The following ACSM4 variants were observed in gnomAD, a reference collection of about 807,000 sequenced individuals.
ACSM4 encodes the protein acyl-coenzyme A synthetase ACSM4, mitochondrial.
A neutral mutation model predicts 73.0 loss-of-function variants in ACSM4; 66 were observed. That is an observed-to-expected ratio of 0.90 (90% CI 0.74 to 1.11). The LOEUF (loss-of-function observed/expected upper bound fraction) is 1.11. Ranked by LOEUF, ACSM4 falls within the 50% of genes least tolerant of loss-of-function variation. ACSM4 has a pLI of 0.00. For missense variants in ACSM4, 645 were observed against 714.4 expected (o/e 0.90, Z 1.11); for synonymous variants, 222 against 254.0 (o/e 0.87, Z 1.20).
At chr12:7,309,058 A>G (rs1946375962) in intron 2 of ACSM4, among the ~76,000 whole-genome samples, 1 of 152,242 alleles carries the variant, frequency 6.6e-6, no homozygotes, top group Non-Finnish European at 1.5e-5. Context: ...CTTTATATAC[A>G]CTTCACTTCT....
chr12:7,320,414 T>G (rs990758300), intron 5 of ACSM4, among the ~76,000 whole-genome samples: 1 of 152,206 alleles, frequency 6.6e-6, no homozygotes, highest in Non-Finnish European at 1.5e-5. Flanking sequence ...AAGAGGTAAG[T>G]TGTAGCCCTG....
chr12:7,312,528 G>A (rs765181856), intron 3 of ACSM4, among the ~76,000 whole-genome samples: 3 of 152,300 alleles, frequency 2.0e-5, no homozygotes, highest in African/African-American at 7.2e-5. Flanking sequence ...TTTTACTTGT[G>A]AGAATGAAAT....
Position 7,304,237 on chromosome 12 carries a change from A to G in ACSM4, c.-95A>G. On this transcript the variant is annotated 5_prime_UTR_variant, in exon 1 of 13. Transcript: ENST00000399422. Reference sequence around the variant, plus strand: ...CACAAATCCACCTCCCAGTCTCACCACAGAGCATCAAGAAACTGATACTCT... The same window carrying G: ...CACAAATCCACCTCCCAGTCTCACCGCAGAGCATCAAGAAACTGATACTCT... The G allele has an allele frequency of 1.5e-6, 2 of 1,333,714 alleles. No individual in the cohort carries two copies. Among genetic ancestry groups the G allele is most frequent in the Non-Finnish European group, 2.1e-6 (2 of 946,878 alleles). 82.6% of individuals were successfully genotyped at this position (1,333,714 alleles called of 1,614,324 possible).
intron 7 of ACSM4, 48 bp from the exon 8 acceptor site, chr12:7,323,186 C>G (rs1946477402): frequency 6.7e-7 from 1 of 1,500,640 alleles, no homozygotes; most frequent in South Asian, 1.2e-5. Context: ...GATATAGTTT[C>G]AGAATATAAA....
intron 2 of ACSM4, among the ~76,000 whole-genome samples, chr12:7,308,305 T>C (rs1180107438): frequency 6.6e-6 from 1 of 152,196 alleles, no homozygotes; most frequent in Non-Finnish European, 1.5e-5. Flanking sequence ...TTGCTTAACA[T>C]GTTATGAAAT....
rs141290417 is a variant in ACSM4 at position 7,322,253 on chromosome 12, C to T, written c.1002-165C>T. On this transcript the variant is annotated intron_variant, in intron 6 of 12. Coordinates refer to ENST00000399422, the MANE Select transcript of ACSM4 (RefSeq NM_001080454.2). ...CTAATGTGCCCCCATATGCCTAGAA[C>T]AATGTCTGGCAATATAGCAGGTGTT... Among the ~76,000 whole-genome samples, 699 of 152,208 alleles carry T rather than the reference C, an allele frequency of 4.6e-3. 2 individuals carry two copies. Among genetic ancestry groups the T allele is most frequent in the African/African-American group, 0.016 (657 of 41,526 alleles).
At chr12:7,306,872 TA>T (rs759518997) in intron 2 of ACSM4, 129 bp downstream of exon 2, 444 of 883,818 alleles carry the variant, frequency 5.0e-4, no homozygotes, top group Non-Finnish European at 6.8e-4. Flanking sequence ...AAAGAAGAGT[TA>T]AGGCAATCAT....
chr12:7,323,313 A>C lies in ACSM4; in HGVS notation c.1205A>C (p.Gln402Pro), dbSNP rs779951447. 4.3e-6 allele frequency: 7 copies of C among 1,609,916 alleles called. 1 individual carries two copies. In the South Asian group the frequency reaches 7.8e-5, roughly 18 times the overall value. Residue 402 changes from glutamine to proline, a missense_variant and splice_region_variant, in exon 8 of 13, where the codon CAG becomes CCG. Gln to Pro is a moderately conservative substitution (Grantham distance 76). Coordinates refer to ENST00000399422, the MANE Select transcript of ACSM4 (RefSeq NM_001080454.2). ...AAAGGAATGCTGCCCTATGATGTCC[A>C]GGTAGGTTGAGAAAATATCTGACTG... ...MGKGMLPYDV[Q>P]IIDENGNVLP...
chr12:7,314,306 CA>C (rs1946406013), intron 3 of ACSM4, among the ~76,000 whole-genome samples: 1 of 152,082 alleles, frequency 6.6e-6, no homozygotes, highest in Non-Finnish European at 1.5e-5. Flanking sequence ...AAATGTCTAG[CA>C]GGTAGTAGGT....
chr12:7,311,701 T>G lies in ACSM4; in HGVS notation c.620+955T>G, dbSNP rs149741530. ...CTTTTTTGTTGTTGTTGTTGTTGTTTTTTTTCTGAGACAGGGTCTCACTTT... is the reference window on the plus strand; with the variant it reads ...CTTTTTTGTTGTTGTTGTTGTTGTTGTTTTTCTGAGACAGGGTCTCACTTT... On this transcript the variant is annotated intron_variant, in intron 3 of 12. Coordinates refer to ENST00000399422, the MANE Select transcript of ACSM4 (RefSeq NM_001080454.2). 3.1e-3 allele frequency among the ~76,000 whole-genome samples: 467 copies of G among 152,234 alleles called. 3 individuals carry two copies. Among genetic ancestry groups the G allele is most frequent in the African/African-American group, 7.0e-3 (289 of 41,550 alleles).
chr12:7,309,993 G>T (rs1344213099), intron 2 of ACSM4, among the ~76,000 whole-genome samples: 2 of 151,824 alleles, frequency 1.3e-5, no homozygotes, highest in Admixed American at 1.3e-4. Flanking sequence ...CATGTTGCTC[G>T]GGGTGGTCTC....
chr12:7,328,554 C>A lies in ACSM4; in HGVS notation c.*181C>A. 5.4e-6 allele frequency: 2 copies of A among 370,954 alleles called. No individual in the cohort carries two copies. Among genetic ancestry groups the A allele is most frequent in the South Asian group, 3.3e-5 (1 of 30,196 alleles). The allele number at this position is 370,954 out of a possible 1,614,324, so 23.0% of individuals were successfully genotyped here. A position where few individuals can be genotyped will look rare whatever the true frequency, so the allele number is the denominator to read the frequency against. ...TAAAAGTAAATAAAAGCCTCAAAAA[C>A]GTATGGATGAAAATTGTTATAATGA... On this transcript the variant is annotated 3_prime_UTR_variant, in exon 13 of 13. Transcript: ENST00000399422.
intron 3 of ACSM4, among the ~76,000 whole-genome samples, chr12:7,312,837 G>A (rs751623027): frequency 5.3e-5 from 8 of 152,024 alleles, no homozygotes; most frequent in Non-Finnish European, 8.8e-5. Context: ...AGTTAACAAA[G>A]TCATTCAATA....
rs141607295 is a variant in ACSM4 at position 7,310,982 on chromosome 12, G to A, written c.620+236G>A. ...GGAGTTTGAGACCAGCCTGGCCAAC[G>A]TAGTGAAACCCCGTCTCTACTAAAA... is the stretch of plus-strand genomic sequence containing the variant. On this transcript the variant is annotated intron_variant, in intron 3 of 12. Transcript: ENST00000399422. Among the ~76,000 whole-genome samples the A allele has an allele frequency of 8.6e-3, 1,304 of 151,888 alleles. 16 individuals carry two copies. Among genetic ancestry groups the A allele is most frequent in the African/African-American group, 0.03 (1,233 of 41,432 alleles).
At chr12:7,318,209 A>T in intron 5 of ACSM4, 27 bp downstream of exon 5, 1 of 1,607,020 alleles carries the variant, frequency 6.2e-7, no homozygotes, top group Non-Finnish European at 8.5e-7. Flanking sequence ...AGCTAGATAG[A>T]TCTTTAGAGT....
At chr12:7,312,304 T>A (rs1946395689) in intron 3 of ACSM4, among the ~76,000 whole-genome samples, 1 of 152,246 alleles carries the variant, frequency 6.6e-6, no homozygotes, top group South Asian at 2.1e-4. Context: ...AAAATGGGAA[T>A]AATTATACTG....
chr12:7,318,131 C>T lies in ACSM4; in HGVS notation c.870C>T (p.Ala290=), dbSNP rs201696305. 75 of 1,613,802 alleles carry T rather than the reference C, an allele frequency of 4.6e-5. No homozygotes were observed. In the East Asian group the frequency reaches 1.5e-3, roughly 33 times the overall value. ...TGTTTTCTTCCTGGCTGTGTGGAGCCTGTGTTTTTGTGCATCGAATGGCAC... is the reference window on the plus strand; with the variant it reads ...TGTTTTCTTCCTGGCTGTGTGGAGCTTGTGTTTTTGTGCATCGAATGGCAC... ...GSVFSSWLCG[A]CVFVHRMAQF... is the part of the protein sequence containing the mutation. The change falls in exon 5 of 13, where the codon GCC becomes GCT. Residue 290 remains alanine (A), a synonymous_variant. Coordinates refer to ENST00000399422, the MANE Select transcript of ACSM4 (RefSeq NM_001080454.2).
intron 11 of ACSM4, 101 bp from the exon 12 acceptor site, chr12:7,326,875 T>A (rs1473132419): frequency 2.0e-5 from 26 of 1,304,512 alleles, no homozygotes; most frequent in Non-Finnish European, 2.5e-5. Context: ...TCACACAAAC[T>A]GTTATTAATA....
intron 2 of ACSM4, among the ~76,000 whole-genome samples, chr12:7,309,494 A>G (rs1303071144): frequency 6.6e-6 from 1 of 152,230 alleles, no homozygotes; most frequent in Non-Finnish European, 1.5e-5. Context: ...ATTATGAAAC[A>G]TACAAAAATG....
Sources: gnomAD v4.1 joint callset for allele counts (sites outside exome capture counted in the v4.1 genomes callset) on GRCh38, gnomAD v4.1.1 for gene constraint, MANE v1.5 for transcripts, NCBI Gene and HGNC (gene_info 2026-07-23, HGNC 2026-07-21) for gene names.